Variants in LHFPL6 observed in about 807,000 individuals in gnomAD.
The protein encoded by LHFPL6 is LHFPL tetraspan subfamily member 6.
Under a neutral mutation model 20.6 loss-of-function variants are expected in LHFPL6, and 9 were observed. The ratio of observed to expected loss-of-function variants is 0.44; its 90% CI spans 0.26 to 0.76. The LOEUF (loss-of-function observed/expected upper bound fraction) is 0.76, where lower values mean the gene tolerates loss of function less well. Ranked by LOEUF, LHFPL6 falls within the 30% of genes least tolerant of loss-of-function variation. The pLI is 0.20. For missense variants in LHFPL6, 218 were observed against 253.5 expected (o/e 0.86, Z 0.95); for synonymous variants, 105 against 98.7 (o/e 1.06, Z -0.38).
In LHFPL6 at chr13:39,513,311, T is replaced by C. The variant is rs75929724; in HGVS notation, c.385+87521A>G. On this transcript the variant is annotated intron_variant, in intron 2 of 3. Transcript: ENST00000379589. ...ACATGGGATTCTGACCTAAAACAAT[T>C]ATTGTGTTCTAATCATCAGGATAAA... is the stretch of plus-strand genomic sequence containing the variant. 5.5e-3 allele frequency among the ~76,000 whole-genome samples: 830 copies of C among 152,284 alleles called. 10 individuals carry two copies. Among genetic ancestry groups the C allele is most frequent in the African/African-American group, 0.019 (788 of 41,552 alleles).
At chr13:39,353,196 G>A (rs1037359416) in intron 3 of LHFPL6, among the ~76,000 whole-genome samples, 3 of 150,792 alleles carry the variant, frequency 2.0e-5, no homozygotes, top group African/African-American at 7.3e-5. Flanking sequence ...ATGTTGGCCT[G>A]GCTGGTCTCA....
In LHFPL6 at chr13:39,519,128, C is replaced by T. The variant is rs555231034; in HGVS notation, c.385+81704G>A. Among the ~76,000 whole-genome samples, 216 of 151,810 alleles carry T rather than the reference C, an allele frequency of 1.4e-3. 2 individuals are homozygous for T. Among genetic ancestry groups the T allele is most frequent in the Middle Eastern group, 3.4e-3 (1 of 294 alleles). ...GTGAGCGCCTGTAATCCCAGCTACT[C>T]GGGAGGCTGAGGCAGAAGAACTGCT... On this transcript the variant is annotated intron_variant, in intron 2 of 3. Transcript: ENST00000379589.
chr13:39,351,257 G>C (rs1266964433), intron 3 of LHFPL6, among the ~76,000 whole-genome samples: 5 of 152,196 alleles, frequency 3.3e-5, no homozygotes, highest in Admixed American at 2.0e-4. Flanking sequence ...AGGGCTACAA[G>C]TTATGAAGGG....
chr13:39,528,163 CT>C (rs1870352804), intron 2 of LHFPL6, among the ~76,000 whole-genome samples: 2 of 152,152 alleles, frequency 1.3e-5, no homozygotes, highest in Non-Finnish European at 2.9e-5. Context: ...GATGGAATCT[CT>C]GGCACATTCC....
At chr13:39,560,794 C>T (rs1343618922) in intron 2 of LHFPL6, among the ~76,000 whole-genome samples, 3 of 152,050 alleles carry the variant, frequency 2.0e-5, no homozygotes, top group African/African-American at 4.8e-5. Context: ...GGATTACAGG[C>T]GTGAGCCACC....
intron 3 of LHFPL6, among the ~76,000 whole-genome samples, chr13:39,355,644 C>G (rs1278884944): frequency 1.3e-5 from 2 of 152,142 alleles, no homozygotes; most frequent in African/African-American, 4.8e-5. Context: ...AGAGACCCAT[C>G]TCACATGTAA....
intron 2 of LHFPL6, among the ~76,000 whole-genome samples, chr13:39,463,304 G>T (rs953468515): frequency 6.6e-6 from 1 of 152,092 alleles, no homozygotes; most frequent in African/African-American, 2.4e-5. Context: ...AAACCATTTT[G>T]TTCATTGTTA....
chr13:39,393,330 C>G lies in LHFPL6; in HGVS notation c.386-14804G>C, dbSNP rs528013106. 5.3e-5 allele frequency among the ~76,000 whole-genome samples: 8 copies of G among 152,310 alleles called. No homozygotes were observed. In the South Asian group the frequency reaches 1.5e-3, roughly 28 times the overall value. ...ACACGGAAGAAGTGGTCTTTTTACT[C>G]TGGCATCTGAGAGGAAGAATAATGC... On this transcript the variant is annotated intron_variant, in intron 2 of 3. Transcript: ENST00000379589.
intron 2 of LHFPL6, among the ~76,000 whole-genome samples, chr13:39,542,128 T>A (rs974520384): frequency 7.4e-6 from 1 of 134,596 alleles, no homozygotes; most frequent in South Asian, 2.3e-4. Context: ...ATAATAATAA[T>A]AATAAAATAA....
chr13:39,383,821 G>A (rs912885492), intron 2 of LHFPL6, among the ~76,000 whole-genome samples: 1 of 152,204 alleles, frequency 6.6e-6, no homozygotes, highest in African/African-American at 2.4e-5. Context: ...CACACCTGCA[G>A]CCAGGGGCAA....
chr13:39,433,647 C>A (rs1341479634), intron 2 of LHFPL6, among the ~76,000 whole-genome samples: 3 of 152,080 alleles, frequency 2.0e-5, no homozygotes, highest in African/African-American at 4.8e-5. Flanking sequence ...TACCAAGAAT[C>A]CAATATGACA....
chr13:39,364,128 T>C (rs1332939580), intron 3 of LHFPL6, among the ~76,000 whole-genome samples: 4 of 152,150 alleles, frequency 2.6e-5, no homozygotes, highest in African/African-American at 9.7e-5. Context: ...ATAAGTAAAC[T>C]ACTTGTGGAA....
intron 2 of LHFPL6, among the ~76,000 whole-genome samples, chr13:39,395,795 G>A (rs557268168): frequency 2.6e-5 from 4 of 152,286 alleles, no homozygotes; most frequent in Admixed American, 6.5e-5. Flanking sequence ...CTCCATGGAC[G>A]TTAACATTTA....
At chr13:39,348,099 G>C (rs1417640579) in intron 3 of LHFPL6, among the ~76,000 whole-genome samples, 2 of 152,182 alleles carry the variant, frequency 1.3e-5, no homozygotes, top group Non-Finnish European at 2.9e-5. Flanking sequence ...AGAGAGGATA[G>C]TATTGGTTTT....
At chr13:39,431,750 C>G (rs974775812) in intron 2 of LHFPL6, among the ~76,000 whole-genome samples, 4 of 147,042 alleles carry the variant, frequency 2.7e-5, no homozygotes, top group Admixed American at 2.1e-4. Context: ...TATTCCACAT[C>G]AAATTTGTCA....
At chr13:39,584,364 CA>C (rs1872380131) in intron 2 of LHFPL6, among the ~76,000 whole-genome samples, 1 of 151,696 alleles carries the variant, frequency 6.6e-6, no homozygotes, top group African/African-American at 2.4e-5. Context: ...CCGTCTCTAC[CA>C]AAAATACAAA....
intron 2 of LHFPL6, among the ~76,000 whole-genome samples, chr13:39,473,300 C>T (rs1872994684): frequency 6.7e-6 from 1 of 149,956 alleles, no homozygotes; most frequent in South Asian, 2.1e-4. Context: ...GAGAAATGCC[C>T]ATTTATTCCA....
At chr13:39,457,533 T>C (rs1423150835) in intron 2 of LHFPL6, among the ~76,000 whole-genome samples, 1 of 152,194 alleles carries the variant, frequency 6.6e-6, no homozygotes, top group African/African-American at 2.4e-5. Flanking sequence ...CTGGTAAAAA[T>C]GCAAAATCAT....
At chr13:39,465,435 T>G (rs1872780526) in intron 2 of LHFPL6, among the ~76,000 whole-genome samples, 1 of 152,190 alleles carries the variant, frequency 6.6e-6, no homozygotes, top group Non-Finnish European at 1.5e-5. Context: ...ATTTAGGAAC[T>G]ACTTTTCCAA....
Sources: gnomAD v4.1 joint callset for allele counts (sites outside exome capture counted in the v4.1 genomes callset) on GRCh38, gnomAD v4.1.1 for gene constraint, MANE v1.5 for transcripts, NCBI Gene and HGNC (gene_info 2026-07-23, HGNC 2026-07-21) for gene names.